The following UBTD1 variants were observed in gnomAD, a reference collection of about 807,000 sequenced individuals.
UBTD1 encodes the protein ubiquitin domain-containing protein 1.
A neutral mutation model predicts 21.7 loss-of-function variants in UBTD1; 19 were observed. That is an observed-to-expected ratio of 0.87 (90% CI 0.61 to 1.28). The LOEUF is 1.28. Among genes scored for constraint, UBTD1 ranks in the 50% most tolerant of loss-of-function variants. UBTD1 has a pLI of 0.00. For missense variants in UBTD1, 282 were observed against 315.1 expected (o/e 0.89, Z 0.80); for synonymous variants, 116 against 135.1 (o/e 0.86, Z 0.98).
intron 1 of UBTD1, among the ~76,000 whole-genome samples, chr10:97,508,147 A>C (rs191322234): frequency 6.6e-5 from 10 of 152,342 alleles, no homozygotes; most frequent in Admixed American, 6.5e-4. Flanking sequence ...ACCTTTTCAC[A>C]GATGAAGAAG....
chr10:97,499,092 G>C lies in UBTD1; in HGVS notation c.-112G>C, dbSNP rs1589860984. On this transcript the variant is annotated 5_prime_UTR_variant, in exon 1 of 3. Transcript: ENST00000370664. ...CTGAGCGCGCCCCCGGGGGGAGATC[G>C]GGGAGCGCCCGATGCCGGGCGGCCG... 5.6e-6 allele frequency: 7 copies of C among 1,255,336 alleles called. No individual in the cohort carries two copies. The highest frequency in any genetic ancestry group is 5.6e-4 in the Middle Eastern group (2 of 3,554). 77.8% of individuals were successfully genotyped at this position (1,255,336 alleles called of 1,614,324 possible).
At chr10:97,535,930 TA>T (rs1204170024) in intron 1 of UBTD1, among the ~76,000 whole-genome samples, 1 of 148,968 alleles carries the variant, frequency 6.7e-6, no homozygotes, top group Non-Finnish European at 1.5e-5. Context: ...AAAAATAAAA[TA>T]AAAAATTAAT....
chr10:97,499,405 C>A, intron 1 of UBTD1, 132 bp downstream of exon 1: 1 of 1,160,084 alleles, frequency 8.6e-7, no homozygotes. Flanking sequence ...TGCTCCGCAG[C>A]CAGAGGGGGC....
intron 1 of UBTD1, among the ~76,000 whole-genome samples, chr10:97,533,922 CAAAA>C (rs1162758439): frequency 9.1e-6 from 1 of 109,980 alleles, no homozygotes. Flanking sequence ...GACTCCATCT[CAAAA>C]AAAAAAAAAA....
chr10:97,546,549 C>T (rs1280001008), intron 1 of UBTD1, among the ~76,000 whole-genome samples: 1 of 148,152 alleles, frequency 6.7e-6, no homozygotes, highest in Non-Finnish European at 1.5e-5. Flanking sequence ...TGATCACCCA[C>T]TGCGCTCCAG....
intron 1 of UBTD1, among the ~76,000 whole-genome samples, chr10:97,555,474 C>T (rs998163827): frequency 2.0e-5 from 3 of 152,134 alleles, no homozygotes; most frequent in Admixed American, 6.5e-5. Context: ...TGTAGCAGGA[C>T]GAGCCACAGA....
chr10:97,519,385 ATC>A (rs1229183401), intron 1 of UBTD1, among the ~76,000 whole-genome samples: 2 of 152,222 alleles, frequency 1.3e-5, no homozygotes, highest in African/African-American at 4.8e-5. Context: ...TAATAGCCTA[ATC>A]TTGACTTTTC....
At chr10:97,536,174 T>C (rs998553234) in intron 1 of UBTD1, among the ~76,000 whole-genome samples, 1 of 151,998 alleles carries the variant, frequency 6.6e-6, no homozygotes, top group Non-Finnish European at 1.5e-5. Flanking sequence ...GTATTTTTAG[T>C]AGAGATGGGG....
At chr10:97,554,077 G>T (rs574573419) in intron 1 of UBTD1, among the ~76,000 whole-genome samples, 1 of 152,118 alleles carries the variant, frequency 6.6e-6, no homozygotes, top group East Asian at 1.9e-4. Context: ...TTTGAAAGGG[G>T]CCACCATGGA....
rs776369927 is a variant in UBTD1 at position 97,570,300 on chromosome 10, G to A, written c.461G>A (p.Arg154His). 26 of 1,613,054 alleles carry A rather than the reference G, an allele frequency of 1.6e-5. No homozygotes were observed. The highest frequency in any genetic ancestry group is 2.0e-5 in the Non-Finnish European group (24 of 1,179,978). ...SVRREFPLKVRLSTGKDVRLS... is the reference protein window; with the variant it reads ...SVRREFPLKVHLSTGKDVRLS... ...CGCCGTGAGTTCCCGCTGAAGGTGC[G>A]CCTGTCCACGGGCAAGGACGTGAGG... is the stretch of plus-strand genomic sequence containing the variant. The change falls in exon 3 of 3, where the codon CGC becomes CAC. Residue 154 changes from arginine to histidine, a missense_variant. Physicochemically the swap from Arg to His is conservative, Grantham distance 29. Transcript: ENST00000370664. This position sits in a 1 kb window ranked among gnomAD's most constrained non-coding sequence, Gnocchi z 6.6.
chr10:97,538,978 G>A (rs980296737), intron 1 of UBTD1, among the ~76,000 whole-genome samples: 1 of 152,218 alleles, frequency 6.6e-6, no homozygotes, highest in Admixed American at 6.5e-5. Context: ...GCTCCAGGGA[G>A]AAGACCTGCG....
chr10:97,534,196 C>T (rs939445375), intron 1 of UBTD1, among the ~76,000 whole-genome samples: 7 of 152,206 alleles, frequency 4.6e-5, no homozygotes, highest in African/African-American at 1.7e-4. Context: ...TCACCCCCTT[C>T]CCAGGAAACC....
At chr10:97,548,902 C>A (rs1486577343) in intron 1 of UBTD1, among the ~76,000 whole-genome samples, 1 of 152,238 alleles carries the variant, frequency 6.6e-6, no homozygotes, top group African/African-American at 2.4e-5. Context: ...CAGTGCCCAG[C>A]TCTGGGAGAC....
intron 1 of UBTD1, among the ~76,000 whole-genome samples, chr10:97,511,687 C>T (rs190361156): frequency 5.3e-5 from 8 of 152,158 alleles, no homozygotes; most frequent in Admixed American, 3.9e-4. Flanking sequence ...AGTGAAAGCG[C>T]TCTGTTCCCC....
intron 1 of UBTD1, among the ~76,000 whole-genome samples, chr10:97,547,573 C>CT (rs959363330): frequency 1.4e-4 from 21 of 151,314 alleles, no homozygotes; most frequent in African/African-American, 9.7e-5. Flanking sequence ...CTTTTCTTTT[C>CT]TTTTTTTTTG....
At chr10:97,528,799 G>C (rs1170994036) in intron 1 of UBTD1, among the ~76,000 whole-genome samples, 1 of 142,872 alleles carries the variant, frequency 7.0e-6, no homozygotes, top group African/African-American at 2.6e-5. Flanking sequence ...TCCCGGACGG[G>C]GCGGCTGGCC....
chr10:97,558,534 C>A (rs981047253), intron 1 of UBTD1, among the ~76,000 whole-genome samples: 1 of 152,114 alleles, frequency 6.6e-6, no homozygotes, highest in Admixed American at 6.5e-5. Context: ...TGGCCAGGAC[C>A]CTACAGTCTG....
At chr10:97,520,109 T>A (rs1017513092) in intron 1 of UBTD1, among the ~76,000 whole-genome samples, 2 of 152,200 alleles carry the variant, frequency 1.3e-5, no homozygotes, top group African/African-American at 4.8e-5. Context: ...ATGTCTCAGT[T>A]CCTTCATCTG....
chr10:97,512,361 A>G lies in UBTD1; in HGVS notation c.70+13088A>G, dbSNP rs548613746. Among the ~76,000 whole-genome samples the G allele has an allele frequency of 6.6e-5, 10 of 152,224 alleles. No homozygotes were observed. In the South Asian group the frequency reaches 8.3e-4, roughly 13 times the overall value. ...CATTTCCTCTTTGCCCTTCTCCCCT[A>G]TACTCTCATATCAGATCCACAGAGC... On this transcript the variant is annotated intron_variant, in intron 1 of 2. Coordinates refer to ENST00000370664, the MANE Select transcript of UBTD1 (RefSeq NM_024954.5).
Sources: allele counts gnomAD v4.1 joint callset (sites outside exome capture counted in the v4.1 genomes callset), GRCh38; gene constraint gnomAD v4.1.1; non-coding constraint Gnocchi (gnomAD v3.1); transcripts MANE v1.5; gene names NCBI Gene and HGNC (gene_info 2026-07-23, HGNC 2026-07-21).